Variants in ARMC8 observed in about 807,000 individuals in gnomAD.
The protein encoded by ARMC8 is armadillo repeat containing 8.
A neutral mutation model predicts 99.3 loss-of-function variants in ARMC8; 20 were observed. The ratio of observed to expected loss-of-function variants is 0.20; its 90% CI spans 0.14 to 0.29. The LOEUF is 0.29. ARMC8 is among the 10% of genes least tolerant of loss of function. ARMC8 has a pLI of 1.00. For missense variants in ARMC8, 569 were observed against 809.5 expected (o/e 0.70, Z 3.60); for synonymous variants, 263 against 278.3 (o/e 0.95, Z 0.55).
At chr3:138,256,622 G>T (rs983034535) in intron 12 of ARMC8, among the ~76,000 whole-genome samples, 1 of 151,936 alleles carries the variant, frequency 6.6e-6, no homozygotes, top group African/African-American at 2.4e-5. Flanking sequence ...GTGTTAGCCA[G>T]GATGTTCTCG....
intron 12 of ARMC8, among the ~76,000 whole-genome samples, chr3:138,258,162 C>A (rs1281873299): frequency 6.6e-6 from 1 of 152,156 alleles, no homozygotes; most frequent in African/African-American, 2.4e-5. Flanking sequence ...TGCCTTGACA[C>A]CCCCTCAACC....
intron 12 of ARMC8, among the ~76,000 whole-genome samples, chr3:138,256,080 G>C (rs964065968): frequency 6.6e-6 from 1 of 152,236 alleles, no homozygotes; most frequent in Non-Finnish European, 1.5e-5. Flanking sequence ...AGTGGCACAG[G>C]TATTACATAA....
intron 19 of ARMC8, among the ~76,000 whole-genome samples, chr3:138,285,334 G>A (rs1415247247): frequency 6.6e-6 from 1 of 152,140 alleles, no homozygotes; most frequent in African/African-American, 2.4e-5. Flanking sequence ...GTGGCTCCTT[G>A]TTATACCTTG....
At chr3:138,246,881 TTAATTA>T (rs1441611089) in intron 12 of ARMC8, 1 of 894,616 alleles carries the variant, frequency 1.1e-6, no homozygotes, top group African/African-American at 1.8e-5. Flanking sequence ...GTTATAATTA[TTAATTA>T]TAGTTTTTTG....
intron 1 of ARMC8, among the ~76,000 whole-genome samples, chr3:138,201,251 T>TA (rs1376677930): frequency 6.2e-5 from 1 of 16,118 alleles, no homozygotes; most frequent in Non-Finnish European, 1.1e-4. Context: ...AGTGTCTGCA[T>TA]AGCTGTTTAA....
chr3:138,239,414 C>T, intron 9 of ARMC8, 54 bp from the exon 10 acceptor site: 7 of 1,328,916 alleles, frequency 5.3e-6, no homozygotes, highest in Non-Finnish European at 7.4e-6. Flanking sequence ...AATAATTTTT[C>T]ATTTAAAGCT....
intron 12 of ARMC8, among the ~76,000 whole-genome samples, chr3:138,249,208 G>C (rs926010697): frequency 6.6e-6 from 1 of 152,072 alleles, no homozygotes; most frequent in Non-Finnish European, 1.5e-5. Flanking sequence ...TCTGCATTAG[G>C]AACTTTCCTA....
At chr3:138,219,288 A>G (rs1054835069) in intron 2 of ARMC8, among the ~76,000 whole-genome samples, 2 of 152,230 alleles carry the variant, frequency 1.3e-5, no homozygotes, top group Admixed American at 6.5e-5. Flanking sequence ...AATAATGGAT[A>G]TCTAGAATCA....
chr3:138,269,938 G>A, intron 15 of ARMC8, 102 bp from the exon 16 acceptor site: 1 of 614,390 alleles, frequency 1.6e-6, no homozygotes, highest in Non-Finnish European at 2.7e-6. Flanking sequence ...CTGGAATTGA[G>A]TAAGAGTGGG....
chr3:138,202,693 A>G (rs1045885792), intron 1 of ARMC8, among the ~76,000 whole-genome samples: 3 of 152,192 alleles, frequency 2.0e-5, no homozygotes, highest in Non-Finnish European at 4.4e-5. Context: ...ATTCATACCT[A>G]AGTCTTCAAA....
intron 1 of ARMC8, 42 bp downstream of exon 1, chr3:138,187,641 C>T (rs2043136338): frequency 1.3e-6 from 2 of 1,532,650 alleles, no homozygotes; most frequent in East Asian, 2.4e-5. Flanking sequence ...CTCCAGGAAG[C>T]CTCATCCCGG....
At chr3:138,236,160 T>C in intron 7 of ARMC8, among the ~76,000 whole-genome samples, 1 of 152,148 alleles carries the variant, frequency 6.6e-6, no homozygotes, top group Non-Finnish European at 1.5e-5. Context: ...GTGTATGTTT[T>C]CCCTACCTCA....
chr3:138,288,207 T>A (rs1434206864), intron 19 of ARMC8, among the ~76,000 whole-genome samples: 2 of 152,188 alleles, frequency 1.3e-5, no homozygotes, highest in African/African-American at 4.8e-5. Context: ...TGTGTGAAAG[T>A]CTAGGTGTTA....
At chr3:138,282,872 CAA>C (rs2050071842) in intron 18 of ARMC8, among the ~76,000 whole-genome samples, 1 of 152,058 alleles carries the variant, frequency 6.6e-6, no homozygotes, top group African/African-American at 2.4e-5. Context: ...AGAGACTAAC[CAA>C]AAAGAGTGCA....
intron 18 of ARMC8, among the ~76,000 whole-genome samples, chr3:138,279,725 G>A (rs925113390): frequency 1.3e-5 from 2 of 152,128 alleles, no homozygotes; most frequent in African/African-American, 4.8e-5. Context: ...AATAGAAATA[G>A]GACTACTCAG....
intron 2 of ARMC8, among the ~76,000 whole-genome samples, chr3:138,220,073 A>G (rs1241395949): frequency 2.0e-5 from 3 of 152,206 alleles, no homozygotes; most frequent in African/African-American, 7.2e-5. Context: ...TGGATAAATG[A>G]ATGTTCTACA....
chr3:138,225,866 C>T (rs1451052817), intron 5 of ARMC8, among the ~76,000 whole-genome samples: 3 of 152,098 alleles, frequency 2.0e-5, no homozygotes, highest in Admixed American at 6.6e-5. Context: ...CACATGGCTC[C>T]CTAGTCTGTC....
At chr3:138,215,869 GT>G (rs887425968) in intron 2 of ARMC8, among the ~76,000 whole-genome samples, 2 of 148,794 alleles carry the variant, frequency 1.3e-5, no homozygotes, top group Admixed American at 1.3e-4. Flanking sequence ...TTTATTTATT[GT>G]TTTTTTTTGA....
chr3:138,290,727 A>G, intron 21 of ARMC8, 88 bp downstream of exon 21: 1 of 833,108 alleles, frequency 1.2e-6, no homozygotes, highest in African/African-American at 1.7e-5. Flanking sequence ...TAATGGCCAT[A>G]CTTTTTAAAA....
Sources: gnomAD v4.1 joint callset for allele counts (sites outside exome capture counted in the v4.1 genomes callset) on GRCh38, gnomAD v4.1.1 for gene constraint, MANE v1.5 for transcripts, NCBI Gene and HGNC (gene_info 2026-07-23, HGNC 2026-07-21) for gene names.